The following OPCML variants were observed in gnomAD, a reference collection of about 807,000 sequenced individuals.
The protein encoded by OPCML is opioid-binding protein/cell adhesion molecule.
Under a neutral mutation model 37.8 loss-of-function variants are expected in OPCML, and 13 were observed. The observed-to-expected ratio is 0.34, with a 90% CI of 0.22 to 0.55. The LOEUF is 0.55. Ranked by LOEUF, OPCML falls within the 20% of genes least tolerant of loss-of-function variation. The probability of loss-of-function intolerance (pLI) is 0.91; values close to 1 mark genes in which losing one functional copy is unlikely to be tolerated. For synonymous variants in OPCML, 176 were observed against 168.8 expected (o/e 1.04, Z -0.33); for missense variants, 341 against 435.6 (o/e 0.78, Z 1.93).
chr11:133,093,088 C>T (rs1478810280), intron 1 of OPCML, among the ~76,000 whole-genome samples: 1 of 151,866 alleles, frequency 6.6e-6, no homozygotes, highest in East Asian at 1.9e-4. Flanking sequence ...TTTTGTATTT[C>T]AATAGGTTTT....
At chr11:133,530,996 G>A (rs1705666027) in intron 1 of OPCML, among the ~76,000 whole-genome samples, 1 of 152,108 alleles carries the variant, frequency 6.6e-6, no homozygotes, top group Non-Finnish European at 1.5e-5. Context: ...AGGCAGGTAA[G>A]GTTTTAAAAT....
intron 2 of OPCML, among the ~76,000 whole-genome samples, chr11:132,665,389 T>C (rs1942174491): frequency 6.6e-6 from 1 of 152,170 alleles, no homozygotes; most frequent in African/African-American, 2.4e-5. Flanking sequence ...GGGCTCTACC[T>C]GAATGCAGAA....
At chr11:132,988,995 T>C (rs1315646468) in intron 1 of OPCML, among the ~76,000 whole-genome samples, 2 of 152,222 alleles carry the variant, frequency 1.3e-5, no homozygotes, top group African/African-American at 4.8e-5. Flanking sequence ...CGTTGCATTT[T>C]ACCCAAACTC....
chr11:132,785,863 C>A (rs1341459901), intron 2 of OPCML, among the ~76,000 whole-genome samples: 1 of 152,124 alleles, frequency 6.6e-6, no homozygotes, highest in African/African-American at 2.4e-5. Context: ...TCCAGGTGAC[C>A]ATTTAAACTA....
intron 5 of OPCML, 25 bp from the exon 6 acceptor site, chr11:132,436,804 T>A (rs772967983): frequency 1.2e-6 from 2 of 1,603,160 alleles, no homozygotes; most frequent in African/African-American, 2.7e-5. Flanking sequence ...CACACACACA[T>A]GCACAGGCAT....
intron 2 of OPCML, among the ~76,000 whole-genome samples, chr11:132,709,842 G>T (rs562093255): frequency 6.6e-6 from 1 of 152,192 alleles, no homozygotes; most frequent in African/African-American, 2.4e-5. Flanking sequence ...CGCTAAGACC[G>T]TGCGAATATC....
chr11:133,243,033 G>A (rs1940787627), intron 1 of OPCML, among the ~76,000 whole-genome samples: 1 of 152,184 alleles, frequency 6.6e-6, no homozygotes, highest in South Asian at 2.1e-4. Context: ...TCCCTGGACT[G>A]TCTTTGCCGG....
At chr11:132,610,778 G>A (rs533241202) in intron 3 of OPCML, among the ~76,000 whole-genome samples, 12 of 152,258 alleles carry the variant, frequency 7.9e-5, no homozygotes, top group Middle Eastern at 3.4e-3. Context: ...GTGATCTGTC[G>A]TGTAAGAAGC....
At chr11:133,225,183 C>T (rs901923759) in intron 1 of OPCML, among the ~76,000 whole-genome samples, 2 of 152,150 alleles carry the variant, frequency 1.3e-5, no homozygotes, top group African/African-American at 2.4e-5. Flanking sequence ...AGGCACTTTG[C>T]TACTTATGGA....
intron 2 of OPCML, among the ~76,000 whole-genome samples, chr11:132,796,729 C>T (rs993369459): frequency 5.9e-5 from 9 of 151,920 alleles, no homozygotes; most frequent in Non-Finnish European, 1.0e-4. Context: ...AGGCGCCAGC[C>T]GCCACGCCCG....
intron 2 of OPCML, among the ~76,000 whole-genome samples, chr11:132,929,242 TA>T (rs1945108137): frequency 1.3e-5 from 2 of 151,846 alleles, no homozygotes; most frequent in African/African-American, 4.8e-5. Context: ...TTCAAATAAC[TA>T]AAATCACAAA....
chr11:132,558,934 C>G (rs1424670708), intron 3 of OPCML, among the ~76,000 whole-genome samples: 2 of 152,226 alleles, frequency 1.3e-5, no homozygotes, highest in South Asian at 2.1e-4. Context: ...CCCATCCCAA[C>G]CAGAGCACAG....
At chr11:132,578,966 C>T (rs993001173) in intron 3 of OPCML, among the ~76,000 whole-genome samples, 9 of 151,640 alleles carry the variant, frequency 5.9e-5, no homozygotes, top group East Asian at 3.9e-4. Flanking sequence ...GCCCCTTTCC[C>T]GCTATATTGG....
At chr11:133,140,757 AGACGAC>A (rs778976654) in intron 1 of OPCML, among the ~76,000 whole-genome samples, 2 of 62,994 alleles carry the variant, frequency 3.2e-5, no homozygotes, top group South Asian at 6.9e-4. Flanking sequence ...AGGAAGAAGA[AGACGAC>A]GAAGAAGAAG....
chr11:132,596,739 C>A (rs1269181869), intron 3 of OPCML, among the ~76,000 whole-genome samples: 1 of 152,146 alleles, frequency 6.6e-6, no homozygotes, highest in African/African-American at 2.4e-5. Flanking sequence ...TCCTAAGCAC[C>A]ATATCTATCT....
chr11:132,806,643 A>T (rs918143950), intron 2 of OPCML, among the ~76,000 whole-genome samples: 7 of 152,180 alleles, frequency 4.6e-5, no homozygotes, highest in Non-Finnish European at 8.8e-5. Context: ...AAATAGACAA[A>T]TCTACAACTA....
At chr11:133,511,702 T>C (rs548751069) in intron 1 of OPCML, among the ~76,000 whole-genome samples, 1 of 142,684 alleles carries the variant, frequency 7.0e-6, no homozygotes, top group African/African-American at 2.8e-5. Context: ...CCTGATGTAC[T>C]TTTTTTTTTT....
At chr11:132,978,411 C>T (rs11223308) in intron 1 of OPCML, among the ~76,000 whole-genome samples, 9,349 of 152,150 alleles carry the variant, frequency 0.061, 701 homozygotes, top group East Asian at 0.33. Context: ...GGTATCTTCT[C>T]CGCTGAAAAG....
chr11:132,810,502 C>T (rs954490570), intron 2 of OPCML, among the ~76,000 whole-genome samples: 6 of 152,090 alleles, frequency 3.9e-5, no homozygotes, highest in East Asian at 1.9e-4. Flanking sequence ...ACTAGCCTGA[C>T]CAACATGGTG....
Sources: gnomAD v4.1 joint callset for allele counts (sites outside exome capture counted in the v4.1 genomes callset) on GRCh38, gnomAD v4.1.1 for gene constraint, MANE v1.5 for transcripts, NCBI Gene and HGNC (gene_info 2026-07-23, HGNC 2026-07-21) for gene names.